EPB41L2: variants seen among roughly 807,000 people sequenced by gnomAD.
EPB41L2 encodes band 4.1-like protein 2.
Under a neutral mutation model 113.0 loss-of-function variants are expected in EPB41L2, and 43 were observed. The ratio of observed to expected loss-of-function variants is 0.38; its 90% CI spans 0.30 to 0.49. The LOEUF (loss-of-function observed/expected upper bound fraction) is 0.49. Among genes scored for constraint, EPB41L2 ranks in the 20% least tolerant of loss-of-function variants. The pLI is 0.95. For synonymous variants in EPB41L2, 442 were observed against 436.7 expected (o/e 1.01, Z -0.15); for missense variants, 1,147 against 1,223.4 (o/e 0.94, Z 0.93).
In EPB41L2 at chr6:130,858,276, C is replaced by G. The variant is rs199699214; in HGVS notation, c.2911-33G>C. The G allele has an allele frequency of 6.4e-6, 10 of 1,567,468 alleles. No individual in the cohort carries two copies. The Admixed American group carries it at 1.4e-4, about 22-fold the overall frequency. Reference sequence around the variant, plus strand: ...GGTCAGGACAGAGAACGGCTGTGAGCTGGGGAACAGCCTCCACCTCACAAT... The same window carrying G: ...GGTCAGGACAGAGAACGGCTGTGAGGTGGGGAACAGCCTCCACCTCACAAT... On this transcript the variant is annotated intron_variant, in intron 18 of 19. Transcript: ENST00000337057.
chr6:130,848,199 TCACACACACACA>T (rs66469665), intron 19 of EPB41L2, among the ~76,000 whole-genome samples: 5,438 of 113,458 alleles, frequency 0.048, 161 homozygotes, highest in South Asian at 0.17. Flanking sequence ...TCTCTCTCTC[TCACACACACACA>T]CACACACACA....
At chr6:130,939,598 T>C (rs748809166) in intron 3 of EPB41L2, among the ~76,000 whole-genome samples, 2 of 151,946 alleles carry the variant, frequency 1.3e-5, no homozygotes, top group Non-Finnish European at 2.9e-5. Flanking sequence ...TCCTCTTTCA[T>C]CTCCTAGGAC....
At chr6:131,022,325 A>G (rs929336559) in intron 1 of EPB41L2, among the ~76,000 whole-genome samples, 3 of 151,790 alleles carry the variant, frequency 2.0e-5, no homozygotes, top group African/African-American at 7.3e-5. Flanking sequence ...AAGCCCTGCT[A>G]CTCCTGTCAC....
intron 19 of EPB41L2, among the ~76,000 whole-genome samples, chr6:130,843,200 AAAGAG>A (rs1407006077): frequency 5.3e-5 from 8 of 152,216 alleles, no homozygotes; most frequent in Admixed American, 1.3e-4. Flanking sequence ...TTGAGCTAGA[AAAGAG>A]AAAAGATAAA....
intron 1 of EPB41L2, among the ~76,000 whole-genome samples, chr6:131,044,019 C>CTTTTT (rs35350923): frequency 2.9e-5 from 3 of 103,054 alleles, no homozygotes; most frequent in Non-Finnish European, 5.5e-5. Flanking sequence ...CTAAATAATG[C>CTTTTT]TTTTTTTTTT....
At chr6:130,983,702 T>A (rs934077194) in intron 1 of EPB41L2, among the ~76,000 whole-genome samples, 1 of 151,936 alleles carries the variant, frequency 6.6e-6, no homozygotes, top group Non-Finnish European at 1.5e-5. Flanking sequence ...TGATTTTTTT[T>A]ATTTTTTGTA....
intron 1 of EPB41L2, among the ~76,000 whole-genome samples, chr6:131,018,290 G>A (rs770628825): frequency 1.3e-5 from 2 of 152,016 alleles, no homozygotes. Flanking sequence ...AAGAAAGACC[G>A]GACCCCATAT....
At chr6:131,048,680 G>T (rs1795961272) in intron 1 of EPB41L2, among the ~76,000 whole-genome samples, 1 of 152,166 alleles carries the variant, frequency 6.6e-6, no homozygotes. Context: ...TCATGTGACT[G>T]GTAACTGTTG....
intron 1 of EPB41L2, among the ~76,000 whole-genome samples, chr6:131,048,748 T>C (rs1049590844): frequency 2.0e-5 from 3 of 152,218 alleles, no homozygotes; most frequent in Non-Finnish European, 4.4e-5. Flanking sequence ...TCTGAATATA[T>C]TGAAAATTTT....
chr6:130,975,370 G>A (rs901530931), intron 1 of EPB41L2, among the ~76,000 whole-genome samples: 1 of 152,324 alleles, frequency 6.6e-6, no homozygotes, highest in Admixed American at 6.5e-5. Context: ...TTGTGTATGT[G>A]AGTTTGTGTA....
intron 18 of EPB41L2, 36 bp downstream of exon 18, chr6:130,863,602 A>AG (rs760408954): frequency 1.4e-6 from 2 of 1,420,534 alleles, no homozygotes; most frequent in Admixed American, 3.4e-5. Context: ...GAAAACAAAC[A>AG]GGGCCATTTC....
chr6:131,024,828 G>C (rs1265572131), intron 1 of EPB41L2, among the ~76,000 whole-genome samples: 2 of 152,044 alleles, frequency 1.3e-5, no homozygotes, highest in Non-Finnish European at 2.9e-5. Flanking sequence ...TAGAATTTTT[G>C]GTTCCTACCC....
intron 1 of EPB41L2, among the ~76,000 whole-genome samples, chr6:130,963,614 G>C (rs1242673298): frequency 6.6e-6 from 1 of 152,078 alleles, no homozygotes; most frequent in Non-Finnish European, 1.5e-5. Context: ...TTTGTTGAAA[G>C]AAAGCCCCTA....
At chr6:130,933,269 G>C (rs9483193) in intron 3 of EPB41L2, among the ~76,000 whole-genome samples, 19,100 of 152,038 alleles carry the variant, frequency 0.13, 1,536 homozygotes, top group African/African-American at 0.21. Context: ...AGTACAATCC[G>C]AGTCAATCTC....
At chr6:130,909,536 G>A (rs1334580637) in intron 4 of EPB41L2, among the ~76,000 whole-genome samples, 7 of 152,144 alleles carry the variant, frequency 4.6e-5, no homozygotes, top group African/African-American at 1.7e-4. Context: ...CTCTGGCCAG[G>A]CCAATCAGGC....
intron 4 of EPB41L2, among the ~76,000 whole-genome samples, chr6:130,919,234 A>C (rs1411768357): frequency 6.6e-6 from 1 of 152,188 alleles, no homozygotes; most frequent in Non-Finnish European, 1.5e-5. Context: ...CATAAGAGAA[A>C]CTACCACGTA....
At chr6:131,013,847 G>A (rs1321578348) in intron 1 of EPB41L2, among the ~76,000 whole-genome samples, 3 of 152,052 alleles carry the variant, frequency 2.0e-5, no homozygotes, top group African/African-American at 4.8e-5. Context: ...AAAGACATAC[G>A]GGCAAAGTTA....
intron 1 of EPB41L2, among the ~76,000 whole-genome samples, chr6:130,982,610 C>G (rs1408723081): frequency 6.6e-6 from 1 of 152,130 alleles, no homozygotes; most frequent in Non-Finnish European, 1.5e-5. Flanking sequence ...ACGTAAAGAA[C>G]TCAATATTCC....
At chr6:130,892,403 CT>C (rs60350565) in intron 10 of EPB41L2, among the ~76,000 whole-genome samples, 28,384 of 92,600 alleles carry the variant, frequency 0.31, 4,898 homozygotes, top group East Asian at 0.45. Flanking sequence ...CAGATTATTG[CT>C]TTTTTTTTTT....
Sources: allele counts gnomAD v4.1 joint callset (sites outside exome capture counted in the v4.1 genomes callset), GRCh38; gene constraint gnomAD v4.1.1; transcripts MANE v1.5; gene names NCBI Gene and HGNC (gene_info 2026-07-23, HGNC 2026-07-21).